The following RNF217 variants were observed in gnomAD, a reference collection of about 807,000 sequenced individuals.
RNF217 encodes the protein E3 ubiquitin-protein ligase RNF217.
A neutral mutation model predicts 57.8 loss-of-function variants in RNF217; 31 were observed. The ratio of observed to expected loss-of-function variants is 0.54; its 90% CI spans 0.40 to 0.72. RNF217 has a LOEUF of 0.72. Ranked by LOEUF, RNF217 falls within the 30% of genes least tolerant of loss-of-function variation. The pLI, the probability that RNF217 is intolerant of heterozygous loss-of-function variation, is 0.00. For missense variants in RNF217, 696 were observed against 708.3 expected (o/e 0.98, Z 0.20); for synonymous variants, 313 against 294.0 (o/e 1.06, Z -0.66).
Position 125,015,666 on chromosome 6 carries a change from A to G in RNF217, c.883-29545A>G, listed in dbSNP as rs183362499. On this transcript the variant is annotated intron_variant, in intron 1 of 5. Transcript: ENST00000521654. ...ATATATTGGTATTGCTACATCCAGT[A>G]TATTTTCTCTATTTTCTACATTTTC... 4.2e-3 allele frequency among the ~76,000 whole-genome samples: 643 copies of G among 152,160 alleles called. 4 individuals are homozygous for G. The highest frequency in any genetic ancestry group is 6.8e-3 in the Middle Eastern group (2 of 292).
chr6:125,080,616 A>G (rs1405591283), intron 4 of RNF217, among the ~76,000 whole-genome samples: 1 of 152,054 alleles, frequency 6.6e-6, no homozygotes, highest in African/African-American at 2.4e-5. Flanking sequence ...TTAAAATACA[A>G]TAACAACATG....
intron 1 of RNF217, chr6:124,983,368 A>G (rs1784246572): frequency 1.0e-6 from 1 of 984,752 alleles, no homozygotes; most frequent in African/African-American, 1.7e-5. Context: ...TACTTTATTT[A>G]GTATACAGAG....
At chr6:125,044,200 C>A (rs1027454764) in intron 1 of RNF217, among the ~76,000 whole-genome samples, 2 of 151,676 alleles carry the variant, frequency 1.3e-5, no homozygotes, top group Admixed American at 6.6e-5. Flanking sequence ...TGAGATTCAC[C>A]CAAATAAAAA....
At chr6:125,027,935 A>G (rs1786178591) in intron 1 of RNF217, among the ~76,000 whole-genome samples, 2 of 151,930 alleles carry the variant, frequency 1.3e-5, no homozygotes, top group Admixed American at 1.3e-4. Context: ...ATGCCTGTTC[A>G]CCATTTATTC....
intron 1 of RNF217, among the ~76,000 whole-genome samples, chr6:125,028,438 A>T (rs1039453675): frequency 5.9e-5 from 9 of 152,136 alleles, no homozygotes; most frequent in African/African-American, 1.9e-4. Flanking sequence ...TTTTGGAACT[A>T]CACTGAGTGT....
chr6:125,092,480 C>G lies in RNF217; in HGVS notation c.*9543C>G, dbSNP rs959502497. The G allele has an allele frequency of 6.6e-6, 1 of 152,114 alleles. No individual in the cohort carries two copies. Among genetic ancestry groups the G allele is most frequent in the East Asian group, 1.9e-4 (1 of 5,180 alleles). 9.4% of individuals were successfully genotyped at this position (152,114 alleles called of 1,614,324 possible). A position where few individuals can be genotyped will look rare whatever the true frequency, so the allele number is the denominator to read the frequency against. Reference sequence around the variant, plus strand: ...ATGGAAGAATATAAAGACACTCACTCGGATGAAAACTATAACGGTTTTCAA... The same window carrying G: ...ATGGAAGAATATAAAGACACTCACTGGGATGAAAACTATAACGGTTTTCAA... On this transcript the variant is annotated 3_prime_UTR_variant, in exon 6 of 6. Coordinates refer to ENST00000521654, the MANE Select transcript of RNF217 (RefSeq NM_001286398.3).
At chr6:124,989,233 G>C (rs1013507871) in intron 1 of RNF217, among the ~76,000 whole-genome samples, 7 of 152,024 alleles carry the variant, frequency 4.6e-5, no homozygotes, top group African/African-American at 1.7e-4. Context: ...TAGTAATGTT[G>C]TCATGTATTG....
At chr6:124,963,851 T>A (rs1324293732) in intron 1 of RNF217, among the ~76,000 whole-genome samples, 1 of 152,276 alleles carries the variant, frequency 6.6e-6, no homozygotes, top group Non-Finnish European at 1.5e-5. Flanking sequence ...AGACCCATAA[T>A]ACATGAATTT....
chr6:125,011,857 G>A (rs187942011), intron 1 of RNF217, among the ~76,000 whole-genome samples: 29 of 151,662 alleles, frequency 1.9e-4, no homozygotes, highest in Admixed American at 5.3e-4. Flanking sequence ...AACTCTTCTC[G>A]GTGAGATAAT....
intron 2 of RNF217, among the ~76,000 whole-genome samples, chr6:125,049,170 A>G (rs1257182632): frequency 1.3e-5 from 2 of 152,064 alleles, no homozygotes; most frequent in Non-Finnish European, 2.9e-5. Context: ...AGAACAAGTT[A>G]ATGATGGAGA....
At chr6:125,038,261 A>T (rs540681846) in intron 1 of RNF217, among the ~76,000 whole-genome samples, 7 of 152,272 alleles carry the variant, frequency 4.6e-5, no homozygotes, top group African/African-American at 1.7e-4. Flanking sequence ...GAGCAGCAAA[A>T]TATCTTTAAG....
intron 4 of RNF217, among the ~76,000 whole-genome samples, chr6:125,078,715 T>G (rs1261577765): frequency 6.6e-6 from 1 of 152,148 alleles, no homozygotes; most frequent in Non-Finnish European, 1.5e-5. Flanking sequence ...CTTTTGTGTG[T>G]GCAGGCGCAT....
At position 124,963,331 on chromosome 6, in the gene RNF217, T is replaced by A; in HGVS notation, c.787T>A (p.Cys263Ser). The A allele has an allele frequency of 1.3e-6, 2 of 1,534,794 alleles. No homozygotes were observed. The highest frequency in any genetic ancestry group is 1.7e-6 in the Non-Finnish European group (2 of 1,146,230). The change falls in exon 1 of 6, where the codon TGC becomes AGC. Residue 263 changes from cysteine (C) to serine (S), a missense_variant. Physicochemically the swap from Cys to Ser is moderately radical, Grantham distance 112. Around this residue, in one of 2 missense-constraint regions of RNF217, gnomAD observed 465 missense variants for 386.8 expected, o/e 1.20. Transcript: ENST00000521654. Reference sequence around the variant, plus strand: ...CTATGTGCCCCTCATGGTGCTGATGTGCCGGGTGTGCCTGGAAGACAAGCC... The same window carrying A: ...CTATGTGCCCCTCATGGTGCTGATGAGCCGGGTGTGCCTGGAAGACAAGCC... ...DPYVPLMVLM[C>S]RVCLEDKPIK...
At chr6:125,043,500 G>A (rs940316689) in intron 1 of RNF217, among the ~76,000 whole-genome samples, 9 of 151,940 alleles carry the variant, frequency 5.9e-5, no homozygotes, top group East Asian at 1.9e-4. Context: ...TACCTAGCCC[G>A]TACCTGCCTC....
chr6:125,040,315 C>G (rs1257547936), intron 1 of RNF217, among the ~76,000 whole-genome samples: 1 of 152,142 alleles, frequency 6.6e-6, no homozygotes, highest in Admixed American at 6.6e-5. Flanking sequence ...TATAACACCT[C>G]TACACAAATA....
At chr6:125,016,015 A>G (rs2114384179) in intron 1 of RNF217, among the ~76,000 whole-genome samples, 1 of 152,278 alleles carries the variant, frequency 6.6e-6, no homozygotes, top group South Asian at 2.1e-4. Context: ...ATGTCAATGG[A>G]TTCACTGGTA....
chr6:125,017,774 A>G (rs1400741347), intron 1 of RNF217, among the ~76,000 whole-genome samples: 2 of 152,158 alleles, frequency 1.3e-5, no homozygotes, highest in Admixed American at 1.3e-4. Context: ...GGCACTAGTC[A>G]TTTTAATCTT....
intron 1 of RNF217, among the ~76,000 whole-genome samples, 158 bp from the exon 2 acceptor site, chr6:125,045,053 G>A (rs1463319650): frequency 6.6e-6 from 1 of 151,938 alleles, no homozygotes; most frequent in East Asian, 1.9e-4. Context: ...ATTGCCTAAA[G>A]CAGGTATCAA....
chr6:125,051,267 T>A (rs957963195), intron 2 of RNF217, among the ~76,000 whole-genome samples: 1 of 151,958 alleles, frequency 6.6e-6, no homozygotes, highest in Non-Finnish European at 1.5e-5. Context: ...TAAGAACTGT[T>A]TTCCCTTTAT....
Sources: gnomAD v4.1 joint callset for allele counts (sites outside exome capture counted in the v4.1 genomes callset) on GRCh38, gnomAD v4.1.1 for gene constraint, gnomAD v4.1.1 regional missense constraint, MANE v1.5 for transcripts, NCBI Gene and HGNC (gene_info 2026-07-23, HGNC 2026-07-21) for gene names.